The following UBR2 variants were observed in gnomAD, a reference collection of about 807,000 sequenced individuals.
UBR2 encodes ubiquitin protein ligase E3 component n-recognin 2, also known as E3 ubiquitin-protein ligase UBR2.
Under a neutral mutation model 247.9 loss-of-function variants are expected in UBR2, and 92 were observed. That is an observed-to-expected ratio of 0.37 (90% confidence interval 0.31 to 0.44). The LOEUF is 0.44. Among genes scored for constraint, UBR2 ranks in the 20% least tolerant of loss-of-function variants. The probability of loss-of-function intolerance (pLI) is 1.00; values close to 1 mark genes in which losing one functional copy is unlikely to be tolerated. For missense variants in UBR2, 1,613 were observed against 2,112.6 expected (o/e 0.76, Z 4.64); for synonymous variants, 672 against 693.5 (o/e 0.97, Z 0.49).
rs1293301444 is a variant in UBR2 at position 42,691,838 on chromosome 6, C to T, written c.*665C>T. 2 of 149,018 alleles carry T rather than the reference C, an allele frequency of 1.3e-5. No individual in the cohort carries two copies. Among genetic ancestry groups the T allele is most frequent in the Non-Finnish European group, 3.0e-5 (2 of 67,522 alleles). The allele number at this position is 149,018 out of a possible 1,614,324, so 9.2% of individuals were successfully genotyped here. On this transcript the variant is annotated 3_prime_UTR_variant, in exon 47 of 47. Transcript: ENST00000372901. ...AGACTTTTGGCTTTGAGAAAACTCA[C>T]TTAGAGGGCTTTCCAAAAACTTAGG...
intron 45 of UBR2, 130 bp downstream of exon 45, chr6:42,688,516 G>A: frequency 9.0e-7 from 1 of 1,105,726 alleles, no homozygotes; most frequent in African/African-American, 1.6e-5. Context: ...CAGAAACGTG[G>A]AGCTCCTTGT....
At chr6:42,640,640 C>T (rs926453552) in intron 16 of UBR2, among the ~76,000 whole-genome samples, 5 of 152,050 alleles carry the variant, frequency 3.3e-5, no homozygotes, top group African/African-American at 1.2e-4. Flanking sequence ...CCATGGGGGA[C>T]GTCAGTCTTT....
chr6:42,648,887 A>G (rs1796938062), intron 22 of UBR2, among the ~76,000 whole-genome samples: 1 of 152,082 alleles, frequency 6.6e-6, no homozygotes, highest in African/African-American at 2.4e-5. Flanking sequence ...TTACTATTCT[A>G]TAACCTTTTT....
chr6:42,637,282 A>G, intron 15 of UBR2, 88 bp downstream of exon 15: 1 of 1,380,868 alleles, frequency 7.2e-7, no homozygotes, highest in Non-Finnish European at 9.9e-7. Flanking sequence ...ACTTTGTGCC[A>G]GATGTTATTC....
intron 44 of UBR2, 130 bp from the exon 45 acceptor site, chr6:42,688,086 T>TA: frequency 1.0e-6 from 1 of 1,001,090 alleles, no homozygotes; most frequent in Middle Eastern, 2.6e-4. Flanking sequence ...TAAACTTGCA[T>TA]AGACTGTAGG....
Position 42,659,776 on chromosome 6 carries a change from C to T in UBR2, c.3363C>T (p.Ser1121=), listed in dbSNP as rs1416330001. The T allele has an allele frequency of 2.5e-6, 4 of 1,614,134 alleles. No homozygotes were observed. The highest frequency in any genetic ancestry group is 3.4e-6 in the Non-Finnish European group (4 of 1,180,034). The part of the protein sequence containing the change: ...CQEEQEVKVE[S]RAMVLAAFVQ... ...AGGAGCAAGAAGTTAAAGTGGAAAG[C>T]AGGGCAATGGTCTTGGCAGCATTTG... The change falls in exon 30 of 47, where the codon AGC becomes AGT. Residue 1121 remains serine, a synonymous_variant. Transcript: ENST00000372901. This position sits in a 1 kb window ranked among gnomAD's most constrained non-coding sequence, Gnocchi z 4.3.
chr6:42,681,184 A>G (rs950427622), intron 42 of UBR2, among the ~76,000 whole-genome samples: 3 of 148,446 alleles, frequency 2.0e-5, no homozygotes, highest in African/African-American at 7.5e-5. Context: ...AAAAAAAAAG[A>G]AAGACCAGCC....
At chr6:42,680,891 G>C (rs534498730) in intron 42 of UBR2, among the ~76,000 whole-genome samples, 1 of 151,338 alleles carries the variant, frequency 6.6e-6, no homozygotes, top group Non-Finnish European at 1.5e-5. Flanking sequence ...GCGGGGGCGC[G>C]GTGGCTCACG....
At chr6:42,632,068 AAAT>A (rs60836022) in intron 11 of UBR2, among the ~76,000 whole-genome samples, 30,773 of 108,330 alleles carry the variant, frequency 0.28, 3,388 homozygotes, top group East Asian at 0.39. Context: ...AAAAAAAAAA[AAAT>A]ATATATATAT....
intron 31 of UBR2, 123 bp from the exon 32 acceptor site, chr6:42,663,135 T>C (rs1297856661): frequency 3.8e-6 from 3 of 780,308 alleles, no homozygotes. Context: ...TAAAAATAAT[T>C]TAGTTTAAGA....
intron 40 of UBR2, among the ~76,000 whole-genome samples, chr6:42,678,267 C>T (rs948843956): frequency 1.0e-4 from 15 of 149,348 alleles, no homozygotes; most frequent in Admixed American, 1.3e-4. Flanking sequence ...ACCCAGGAGG[C>T]AGAGCTTGCA....
intron 2 of UBR2, among the ~76,000 whole-genome samples, chr6:42,591,205 G>C (rs1237758170): frequency 6.6e-6 from 1 of 152,142 alleles, no homozygotes; most frequent in Non-Finnish European, 1.5e-5. Context: ...TGAGCCATGA[G>C]CATGCCACTG....
At chr6:42,567,796 G>A (rs1256301591) in intron 1 of UBR2, among the ~76,000 whole-genome samples, 1 of 152,168 alleles carries the variant, frequency 6.6e-6, no homozygotes, top group Non-Finnish European at 1.5e-5. Context: ...AGCTATTTGG[G>A]AGGCTGAGGT....
chr6:42,574,791 G>A (rs958793116), intron 2 of UBR2, among the ~76,000 whole-genome samples: 1 of 151,652 alleles, frequency 6.6e-6, no homozygotes, highest in African/African-American at 2.4e-5. Context: ...CACCTGCCAG[G>A]TTCAAGTGAT....
chr6:42,565,964 C>T (rs1370273142), intron 1 of UBR2, among the ~76,000 whole-genome samples: 1 of 151,986 alleles, frequency 6.6e-6, no homozygotes, highest in Non-Finnish European at 1.5e-5. Flanking sequence ...TTTCGTTTAT[C>T]GGAGATTTGA....
In UBR2 at chr6:42,659,528, C is replaced by T. The variant is rs775443215; in HGVS notation, c.3243-128C>T. The T allele has an allele frequency of 0.091, 27,527 of 302,414 alleles. 552 individuals are homozygous for T. Among genetic ancestry groups the T allele is most frequent in the East Asian group, 0.13 (1,666 of 13,048 alleles). The allele number at this position is 302,414 out of a possible 1,614,324, so 18.7% of individuals were successfully genotyped here. ...AAATAAATAAATATATATACACACA[C>T]ACACACACACACACACACACACACA... is the stretch of plus-strand genomic sequence containing the variant. On this transcript the variant is annotated intron_variant, in intron 29 of 46. Transcript: ENST00000372901. This position sits in a 1 kb window ranked among gnomAD's most constrained non-coding sequence, Gnocchi z 4.3.
chr6:42,622,294 C>T (rs1230442080), intron 11 of UBR2, among the ~76,000 whole-genome samples: 1 of 152,134 alleles, frequency 6.6e-6, no homozygotes, highest in African/African-American at 2.4e-5. Context: ...GCTGGGATTA[C>T]AGGCGTGAGC....
intron 2 of UBR2, among the ~76,000 whole-genome samples, chr6:42,575,477 A>G (rs1791444851): frequency 6.6e-6 from 1 of 152,186 alleles, no homozygotes. Context: ...TGTTCTTTGT[A>G]TTAATAGGAT....
chr6:42,578,608 TA>T (rs1365709176), intron 2 of UBR2, among the ~76,000 whole-genome samples: 1 of 152,078 alleles, frequency 6.6e-6, no homozygotes, highest in African/African-American at 2.4e-5. Context: ...AGGTTTTTTT[TA>T]ATTGAATACT....
Sources: allele counts gnomAD v4.1 joint callset (sites outside exome capture counted in the v4.1 genomes callset), GRCh38; gene constraint gnomAD v4.1.1; non-coding constraint Gnocchi (gnomAD v3.1); transcripts MANE v1.5; gene names NCBI Gene and HGNC (gene_info 2026-07-23, HGNC 2026-07-21).